KAT6A: variants seen among roughly 807,000 people sequenced by gnomAD.
KAT6A encodes lysine acetyltransferase 6A.
Under a neutral mutation model 198.4 loss-of-function variants are expected in KAT6A, and 9 were observed. The ratio of observed to expected loss-of-function variants is 0.05; its 90% CI spans 0.03 to 0.08. The LOEUF (loss-of-function observed/expected upper bound fraction) is 0.08. Ranked by LOEUF, KAT6A falls within the 10% of genes least tolerant of loss-of-function variation. KAT6A has a pLI of 1.00. For missense variants in KAT6A, 2,077 were observed against 2,509.9 expected, an observed-to-expected ratio of 0.83 and a Z score of 3.69; for synonymous variants, 890 against 883.0, an observed-to-expected ratio of 1.01 and a Z score of -0.14.
At chr8:42,031,965 T>C (rs1827154261) in intron 2 of KAT6A, among the ~76,000 whole-genome samples, 1 of 151,128 alleles carries the variant, frequency 6.6e-6, no homozygotes, top group African/African-American at 2.4e-5. Flanking sequence ...AGTCTCACTC[T>C]ATCGCCCAGG....
At chr8:41,985,364 G>A (rs1467169853) in intron 3 of KAT6A, among the ~76,000 whole-genome samples, 1 of 152,154 alleles carries the variant, frequency 6.6e-6, no homozygotes, top group Non-Finnish European at 1.5e-5. Flanking sequence ...CATAAAAACT[G>A]AAAAGCTAAA....
chr8:41,933,081 T>C lies in KAT6A; in HGVS notation c.5139A>G (p.Pro1713=). 6.4e-7 allele frequency: 1 copy of C among 1,561,472 alleles called. No homozygotes were observed. Among genetic ancestry groups the C allele is most frequent in the Middle Eastern group, 1.7e-4 (1 of 5,752 alleles). The change falls in exon 17 of 17, where the codon CCA becomes CCG. Residue 1713 remains proline (P), a synonymous_variant. Transcript: ENST00000265713. This position sits in a 1 kb window ranked among gnomAD's most constrained non-coding sequence, Gnocchi z 6.2. ...CTGGTATCTCCATGATCATAGGAGC[T>C]GGGGTGAAACTGTTATTCATACTAC... The part of the protein sequence containing the change: ...SQCSMNNSFT[P]APMIMEIPES...
rs1391709483 is a variant in KAT6A, at chr8:42,009,919, A to AC, written c.601-22357_601-22356insG. 4.0e-4 allele frequency among the ~76,000 whole-genome samples: 57 copies of AC among 144,162 alleles called. 1 individual carries two copies. The highest frequency in any genetic ancestry group is 6.7e-4 in the Admixed American group (10 of 14,846). 94.6% of individuals were successfully genotyped at this position (144,162 alleles called of 152,430 possible). A position where few individuals can be genotyped will look rare whatever the true frequency, so the allele number is the denominator to read the frequency against. ...CAAAAAAAAAAAAAAAAAAAACAAA[A>AC]AAAAACAAAACCACAATCCTTTGTA... On this transcript the variant is annotated intron_variant, in intron 2 of 16. Transcript: ENST00000265713.
chr8:42,031,564 G>T (rs1827129381), intron 2 of KAT6A, among the ~76,000 whole-genome samples: 4 of 143,754 alleles, frequency 2.8e-5, no homozygotes, highest in Non-Finnish European at 4.5e-5. Context: ...TAATACCTAT[G>T]ATTTGATAAA....
chr8:41,948,901 A>ACATCATCATCATCATCAT (rs34721456), intron 10 of KAT6A, among the ~76,000 whole-genome samples: 1 of 151,068 alleles, frequency 6.6e-6, no homozygotes, highest in African/African-American at 2.4e-5. Context: ...CAGAGGTCAC[A>ACATCATCATCATCATCAT]CATCATCATC....
chr8:41,947,076 C>T (rs1822432411), intron 11 of KAT6A, among the ~76,000 whole-genome samples: 1 of 152,212 alleles, frequency 6.6e-6, no homozygotes, highest in Non-Finnish European at 1.5e-5. Flanking sequence ...TCTTTCTCTC[C>T]TGCTCTGGTG....
At position 41,977,320 on chromosome 8, in the gene KAT6A, C is replaced by G; in HGVS notation, c.1051G>C (p.Gly351Arg). The part of the protein sequence containing the change: ...RLKKQNTVSK[G>R]PFSKVRTGPG... ...CCAGTTCGAACTTTGCTGAAGGGAC[C>G]TTTTGATCTAAACAATTAAACAGGG... The change falls in exon 7 of 17, where the codon GGT becomes CGT. Residue 351 changes from glycine to arginine, a missense_variant. Transcript: ENST00000265713. The G allele has an allele frequency of 6.2e-7, 1 of 1,611,060 alleles. No individual in the cohort carries two copies.
At chr8:42,028,022 G>A (rs1219122393) in intron 2 of KAT6A, among the ~76,000 whole-genome samples, 1 of 152,054 alleles carries the variant, frequency 6.6e-6, no homozygotes, top group Non-Finnish European at 1.5e-5. Context: ...TTGTTCGGGA[G>A]CATGCTGTTT....
At chr8:41,991,510 T>A (rs1289302611) in intron 2 of KAT6A, among the ~76,000 whole-genome samples, 1 of 152,242 alleles carries the variant, frequency 6.6e-6, no homozygotes, top group Non-Finnish European at 1.5e-5. Flanking sequence ...GTGCTGGTAA[T>A]GTTCTCTTTC....
Position 42,044,349 on chromosome 8 carries a change from CCT to C in KAT6A, c.600+4027_600+4028del, listed in dbSNP as rs1827806901. On this transcript the variant is annotated intron_variant, in intron 2 of 16. Coordinates refer to ENST00000265713, the MANE Select transcript of KAT6A (RefSeq NM_006766.5). The stretch of plus-strand genomic sequence containing the variant: ...CCTGACCTCAGGTGATCCACCCCCC[CCT>C]CGGCATCCCAAAGTGCTGGGATTAC... 2.0e-5 allele frequency among the ~76,000 whole-genome samples: 3 copies of C among 151,878 alleles called. No homozygotes were observed. The South Asian group carries it at 6.2e-4, about 32-fold the overall frequency.
intron 5 of KAT6A, among the ~76,000 whole-genome samples, chr8:41,979,113 C>CAA (rs1294673252): frequency 1.3e-4 from 19 of 150,054 alleles, no homozygotes; most frequent in Admixed American, 3.3e-4. Flanking sequence ...ACTAAAAATA[C>CAA]AAAAATTAGC....
intron 8 of KAT6A, among the ~76,000 whole-genome samples, chr8:41,959,477 A>T (rs1823087354): frequency 6.6e-6 from 1 of 152,248 alleles, no homozygotes; most frequent in Admixed American, 6.5e-5. Flanking sequence ...CAGAATTACC[A>T]CATAATCTAG....
In KAT6A at chr8:41,970,519, C is replaced by G. The variant is rs141564825; in HGVS notation, c.1482+4185G>C. 5.9e-5 allele frequency among the ~76,000 whole-genome samples: 9 copies of G among 152,310 alleles called. No homozygotes were observed. The East Asian group carries it at 1.7e-3, about 29-fold the overall frequency. On this transcript the variant is annotated intron_variant, in intron 8 of 16. Transcript: ENST00000265713. ...CCAGAAGAAAATTTCATTCAATATC[C>G]ATTCATTAAACAAATATTTACTGAG...
chr8:42,026,807 TAC>T (rs1826838367), intron 2 of KAT6A, among the ~76,000 whole-genome samples: 2 of 152,314 alleles, frequency 1.3e-5, no homozygotes, highest in South Asian at 4.1e-4. Flanking sequence ...CTACGCTGAA[TAC>T]GAGTTGTGAG....
At chr8:41,980,988 C>A (rs890775157) in intron 4 of KAT6A, 61 bp from the exon 5 acceptor site, 23 of 1,102,154 alleles carry the variant, frequency 2.1e-5, no homozygotes, top group Non-Finnish European at 3.2e-5. Context: ...ATGTTACGAT[C>A]ATGACTGCAT....
intron 15 of KAT6A, among the ~76,000 whole-genome samples, chr8:41,940,436 T>G (rs971944650): frequency 6.6e-6 from 1 of 152,180 alleles, no homozygotes; most frequent in Non-Finnish European, 1.5e-5. Context: ...TTCCAATTAA[T>G]TATGTAATAT....
intron 2 of KAT6A, among the ~76,000 whole-genome samples, chr8:42,022,380 TAA>T (rs11306564): frequency 2.7e-5 from 4 of 150,872 alleles, no homozygotes; most frequent in Admixed American, 6.6e-5. Context: ...AGTAACAGTT[TAA>T]AAAAAAAAAT....
chr8:42,046,307 G>A (rs1587867487), intron 2 of KAT6A, among the ~76,000 whole-genome samples: 1 of 152,202 alleles, frequency 6.6e-6, no homozygotes, highest in South Asian at 2.1e-4. Context: ...AGGCAGAGGC[G>A]GGTGGATCAC....
intron 2 of KAT6A, among the ~76,000 whole-genome samples, chr8:42,001,796 C>G (rs915501690): frequency 1.3e-5 from 2 of 152,054 alleles, no homozygotes; most frequent in African/African-American, 4.8e-5. Context: ...AAAGACAAGC[C>G]TCAGTTGTCA....
Sources: allele counts gnomAD v4.1 joint callset (sites outside exome capture counted in the v4.1 genomes callset), GRCh38; gene constraint gnomAD v4.1.1; non-coding constraint Gnocchi (gnomAD v3.1); transcripts MANE v1.5; gene names NCBI Gene and HGNC (gene_info 2026-07-23, HGNC 2026-07-21).